The following GRIA1 variants were observed in gnomAD, a reference collection of about 807,000 sequenced individuals.
The protein encoded by GRIA1 is glutamate receptor 1.
Under a neutral mutation model 99.2 loss-of-function variants are expected in GRIA1, and 31 were observed. That is an observed-to-expected ratio of 0.31 (90% CI 0.23 to 0.42). GRIA1 has a LOEUF of 0.42. GRIA1 is among the 10% of genes least tolerant of loss of function. The pLI is 1.00. For synonymous variants in GRIA1, 438 were observed against 432.4 expected (o/e 1.01, Z -0.16); for missense variants, 782 against 1,157.5 (o/e 0.68, Z 4.71).
intron 2 of GRIA1, among the ~76,000 whole-genome samples, chr5:153,616,370 C>T (rs929857743): frequency 2.0e-5 from 3 of 152,026 alleles, no homozygotes; most frequent in African/African-American, 7.3e-5. Context: ...TTGAGTTCCT[C>T]TAGGACAGGG....
At chr5:153,801,236 GA>G (rs1766003253) in intron 14 of GRIA1, among the ~76,000 whole-genome samples, 1 of 151,026 alleles carries the variant, frequency 6.6e-6, no homozygotes, top group South Asian at 2.1e-4. Context: ...CTTCACTTTT[GA>G]ACTCCACTGG....
chr5:153,805,331 G>T (rs1346808095), intron 15 of GRIA1, among the ~76,000 whole-genome samples: 10 of 152,172 alleles, frequency 6.6e-5, no homozygotes, highest in Admixed American at 6.5e-4. Context: ...AAGGTAAGGG[G>T]TTGTGTGGAC....
intron 2 of GRIA1, among the ~76,000 whole-genome samples, chr5:153,521,774 G>A (rs1442991968): frequency 1.3e-5 from 2 of 152,160 alleles, no homozygotes; most frequent in African/African-American, 4.8e-5. Flanking sequence ...ATGCACTGTT[G>A]TGTGTCTTGC....
intron 7 of GRIA1, 102 bp from the exon 8 acceptor site, chr5:153,686,123 C>A (rs2149496853): frequency 1.2e-6 from 1 of 847,358 alleles, no homozygotes; most frequent in Middle Eastern, 2.3e-4. Flanking sequence ...GACATCATTC[C>A]ATGGAACACT....
chr5:153,739,613 G>A (rs1158123517), intron 11 of GRIA1, among the ~76,000 whole-genome samples: 5 of 152,156 alleles, frequency 3.3e-5, no homozygotes, highest in African/African-American at 7.2e-5. Context: ...TTCCCACTGG[G>A]TCAAGAGCAT....
chr5:153,568,187 G>A (rs181544523), intron 2 of GRIA1, among the ~76,000 whole-genome samples: 73 of 152,258 alleles, frequency 4.8e-4, no homozygotes, highest in African/African-American at 1.6e-3. Flanking sequence ...GCAATTGGCC[G>A]TTACTCTAAC....
chr5:153,657,627 T>C (rs1165106579), intron 5 of GRIA1, among the ~76,000 whole-genome samples: 1 of 152,202 alleles, frequency 6.6e-6, no homozygotes, highest in Non-Finnish European at 1.5e-5. Flanking sequence ...AATCTAAAAA[T>C]GTGACCAAAG....
intron 2 of GRIA1, among the ~76,000 whole-genome samples, chr5:153,523,516 T>TTA (rs922444517): frequency 6.6e-6 from 1 of 151,742 alleles, no homozygotes; most frequent in Non-Finnish European, 1.5e-5. Flanking sequence ...TGAACATTTT[T>TTA]TTTTTTATTT....
chr5:153,731,715 C>T (rs986040049), intron 11 of GRIA1, among the ~76,000 whole-genome samples: 4 of 152,038 alleles, frequency 2.6e-5, no homozygotes, highest in Non-Finnish European at 5.9e-5. Flanking sequence ...ATTAACATTT[C>T]CGTCATTTTA....
At chr5:153,497,768 C>A (rs1426848986) in intron 2 of GRIA1, among the ~76,000 whole-genome samples, 3 of 152,164 alleles carry the variant, frequency 2.0e-5, no homozygotes, top group Admixed American at 2.0e-4. Context: ...CTCAACCAAA[C>A]CTAGGCATGA....
intron 2 of GRIA1, among the ~76,000 whole-genome samples, chr5:153,510,314 C>T (rs1195593361): frequency 6.6e-6 from 1 of 152,082 alleles, no homozygotes; most frequent in Non-Finnish European, 1.5e-5. Context: ...TTAATCAGAA[C>T]CTGACTTTTT....
At chr5:153,535,086 A>G (rs145535429) in intron 2 of GRIA1, among the ~76,000 whole-genome samples, 1 of 152,106 alleles carries the variant, frequency 6.6e-6, no homozygotes, top group Non-Finnish European at 1.5e-5. Context: ...CATGCCTGGC[A>G]AAGTTCTGTA....
chr5:153,666,782 C>T (rs1278833428), intron 5 of GRIA1, among the ~76,000 whole-genome samples: 1 of 152,136 alleles, frequency 6.6e-6, no homozygotes, highest in Non-Finnish European at 1.5e-5. Flanking sequence ...CTACACAGTA[C>T]AGGTTTGATA....
chr5:153,652,499 A>G (rs1754647868), intron 4 of GRIA1, among the ~76,000 whole-genome samples: 1 of 152,192 alleles, frequency 6.6e-6, no homozygotes, highest in South Asian at 2.1e-4. Flanking sequence ...CAGCTAGCAT[A>G]TGATAAAAGC....
chr5:153,499,063 C>T (rs1754713418), intron 2 of GRIA1, among the ~76,000 whole-genome samples: 1 of 152,060 alleles, frequency 6.6e-6, no homozygotes. Flanking sequence ...AGTGTGTATA[C>T]AGTAATGAAG....
intron 5 of GRIA1, among the ~76,000 whole-genome samples, chr5:153,671,926 A>G (rs1359961665): frequency 5.9e-5 from 9 of 152,220 alleles, no homozygotes; most frequent in Non-Finnish European, 1.3e-4. Flanking sequence ...GAGAAGCTCT[A>G]ACAGGGCACT....
chr5:153,622,251 TA>T, intron 2 of GRIA1, among the ~76,000 whole-genome samples: 1 of 152,298 alleles, frequency 6.6e-6, no homozygotes, highest in East Asian at 1.9e-4. Flanking sequence ...ACCACTGCCA[TA>T]AGTGATTATC....
At chr5:153,723,306 C>A (rs1454114176) in intron 11 of GRIA1, among the ~76,000 whole-genome samples, 1 of 152,200 alleles carries the variant, frequency 6.6e-6, no homozygotes, top group East Asian at 1.9e-4. Flanking sequence ...CAGCTCCCAG[C>A]GTGAGTGACA....
At chr5:153,735,034 G>T (rs1378306702) in intron 11 of GRIA1, among the ~76,000 whole-genome samples, 1 of 152,136 alleles carries the variant, frequency 6.6e-6, no homozygotes, top group African/African-American at 2.4e-5. Flanking sequence ...GGTGTCTAAT[G>T]GGTACAGGCT....
Sources: allele counts gnomAD v4.1 joint callset (sites outside exome capture counted in the v4.1 genomes callset), GRCh38; gene constraint gnomAD v4.1.1; transcripts MANE v1.5; gene names NCBI Gene and HGNC (gene_info 2026-07-23, HGNC 2026-07-21).